The following PLEKHD1 variants were observed in gnomAD, a reference collection of about 807,000 sequenced individuals.
PLEKHD1 encodes pleckstrin homology and coiled-coil domain containing D1, also known as pleckstrin homology domain-containing family D member 1.
PLEKHD1 carries 51 observed loss-of-function variants against 69.2 expected under a neutral mutation model. The observed-to-expected ratio is 0.74, with a 90% confidence interval of 0.59 to 0.93. The LOEUF (loss-of-function observed/expected upper bound fraction) is 0.93. PLEKHD1 is among the 40% of genes least tolerant of loss of function. The pLI, the probability that PLEKHD1 is intolerant of heterozygous loss-of-function variation, is 0.00. For synonymous variants in PLEKHD1, 236 were observed against 244.7 expected, an observed-to-expected ratio of 0.96 and a Z score of 0.33; for missense variants, 584 against 641.0, an observed-to-expected ratio of 0.91 and a Z score of 0.96.
chr14:69,512,288 A>G (rs1883287715), intron 6 of PLEKHD1, among the ~76,000 whole-genome samples: 1 of 151,948 alleles, frequency 6.6e-6, no homozygotes. Flanking sequence ...CTTTCTTTTT[A>G]TTTAGCCTAG....
At chr14:69,508,030 C>T (rs912379251) in intron 6 of PLEKHD1, among the ~76,000 whole-genome samples, 1 of 152,180 alleles carries the variant, frequency 6.6e-6, no homozygotes, top group African/African-American at 2.4e-5. Context: ...AGCGGTAGCT[C>T]GTTGTTATTT....
chr14:69,527,067 G>A (rs994617412), intron 10 of PLEKHD1, 121 bp from the exon 11 acceptor site: 10 of 1,281,620 alleles, frequency 7.8e-6, no homozygotes, highest in South Asian at 1.6e-5. Context: ...ACTCAGAAGC[G>A]GGATGTGATA....
intron 1 of PLEKHD1, among the ~76,000 whole-genome samples, chr14:69,497,628 G>T (rs1440163988): frequency 6.6e-6 from 1 of 152,258 alleles, no homozygotes; most frequent in African/African-American, 2.4e-5. Flanking sequence ...AGTGTAGCAG[G>T]CAGGGGACAG....
intron 11 of PLEKHD1, 55 bp from the exon 12 acceptor site, chr14:69,527,728 G>A (rs1883688179): frequency 6.5e-7 from 1 of 1,538,226 alleles, no homozygotes. Flanking sequence ...GGGAGGGACT[G>A]GCTGGGGGTA....
chr14:69,474,484 T>G, the PLEKHD1 span, among the ~76,000 whole-genome samples: 4 of 152,226 alleles, frequency 2.6e-5, no homozygotes, highest in East Asian at 7.7e-4. Context: ...CTTTGTGAAT[T>G]CACCTGTGAC....
chr14:69,524,147 C>A, intron 7 of PLEKHD1, 82 bp from the exon 8 acceptor site: 1 of 1,176,356 alleles, frequency 8.5e-7, no homozygotes, highest in Non-Finnish European at 1.2e-6. Flanking sequence ...GGAAGTGAAG[C>A]AAAAGCATTT....
At position 69,528,390 on chromosome 14, in the gene PLEKHD1, C is replaced by A; in HGVS notation, c.1492C>A (p.Pro498Thr). ...CATCATGGCCACCCAGCCTGGAGCC[C>A]CCTCGGCACTCTCCCGGGGTGGAAA... ...YHIMATQPGAPSALSRGGK is the reference protein window; with the variant it reads ...YHIMATQPGATSALSRGGK Residue 498 changes from proline (P) to threonine (T), a missense_variant, in exon 13 of 13, where the codon CCC becomes ACC. By Grantham distance (38) the Pro-to-Thr change is conservative. Transcript: ENST00000322564. The A allele has an allele frequency of 6.4e-7, 1 of 1,551,378 alleles. No individual in the cohort carries two copies. The highest frequency in any genetic ancestry group is 8.7e-7 in the Non-Finnish European group (1 of 1,146,984).
intron 1 of PLEKHD1, among the ~76,000 whole-genome samples, chr14:69,487,182 A>AACACACAC (rs199671230): frequency 0.042 from 5,907 of 140,370 alleles, 141 homozygotes; most frequent in Non-Finnish European, 0.05. Context: ...GGGAATACAC[A>AACACACAC]ACACACACAC....
intron 9 of PLEKHD1, among the ~76,000 whole-genome samples, chr14:69,526,482 C>T (rs1428185658): frequency 1.3e-5 from 2 of 152,082 alleles, no homozygotes; most frequent in South Asian, 4.1e-4. Flanking sequence ...CCTCTGGACC[C>T]AGGACTCCAG....
intron 1 of PLEKHD1, among the ~76,000 whole-genome samples, chr14:69,496,493 G>A (rs563761479): frequency 2.0e-4 from 30 of 152,098 alleles, no homozygotes; most frequent in African/African-American, 5.1e-4. Context: ...GTCCCCACAC[G>A]GTGGAGGAAG....
intron 8 of PLEKHD1, among the ~76,000 whole-genome samples, chr14:69,524,685 G>T (rs1883601148): frequency 6.6e-6 from 1 of 152,172 alleles, no homozygotes; most frequent in Admixed American, 6.5e-5. Context: ...TCGCTTAGCT[G>T]CTCCTGAGTG....
chr14:69,488,099 T>C (rs1199030339), intron 1 of PLEKHD1, among the ~76,000 whole-genome samples: 1 of 152,166 alleles, frequency 6.6e-6, no homozygotes, highest in East Asian at 1.9e-4. Context: ...CAGTTTACTC[T>C]TGCAGAGCAT....
At chr14:69,515,070 T>C (rs1458793787) in intron 6 of PLEKHD1, among the ~76,000 whole-genome samples, 3 of 152,060 alleles carry the variant, frequency 2.0e-5, no homozygotes, top group Non-Finnish European at 4.4e-5. Flanking sequence ...TGGTGGTGCA[T>C]GCCTGTAGTC....
Position 69,484,950 on chromosome 14 carries a change from GCCCCGC to G in PLEKHD1, c.-15_-10del. The G allele has an allele frequency of 6.5e-7, 1 of 1,549,606 alleles. No individual in the cohort carries two copies. The highest frequency in any genetic ancestry group is 8.7e-7 in the Non-Finnish European group (1 of 1,145,998). On this transcript the variant is annotated 5_prime_UTR_variant, in exon 1 of 13. Coordinates refer to ENST00000322564, the MANE Select transcript of PLEKHD1 (RefSeq NM_001161498.2). Reference sequence around the variant, plus strand: ...GGAGGTGGGGTCCGGGCCGGGCACAGCCCCGCTGAGGCAGGATGTTCACGTCCAAGT... The same window carrying G: ...GGAGGTGGGGTCCGGGCCGGGCACAGTGAGGCAGGATGTTCACGTCCAAGT...
At chr14:69,500,547 T>G in intron 2 of PLEKHD1, 30 bp from the exon 3 acceptor site, 3 of 1,527,136 alleles carry the variant, frequency 2.0e-6, no homozygotes, top group Non-Finnish European at 2.6e-6. Flanking sequence ...TTGGGTGGGG[T>G]GGGGGCTGCC....
intron 6 of PLEKHD1, among the ~76,000 whole-genome samples, chr14:69,504,801 A>T (rs1883114583): frequency 6.6e-6 from 1 of 152,220 alleles, no homozygotes; most frequent in Admixed American, 6.5e-5. Context: ...CCATCACCAG[A>T]GTTGGTCCTC....
intron 1 of PLEKHD1, among the ~76,000 whole-genome samples, chr14:69,485,648 C>T (rs894319680): frequency 6.6e-6 from 1 of 152,202 alleles, no homozygotes; most frequent in Non-Finnish European, 1.5e-5. Context: ...GGTGCTTGTC[C>T]ATGGGGAAGT....
intron 4 of PLEKHD1, chr14:69,501,250 T>C (rs1257279423): frequency 2.1e-6 from 1 of 474,480 alleles, no homozygotes; most frequent in Non-Finnish European, 3.8e-6. Flanking sequence ...CATAATTAAT[T>C]CTAGCAAGGA....
At chr14:69,503,141 G>A in intron 6 of PLEKHD1, 3 of 492,052 alleles carry the variant, frequency 6.1e-6, no homozygotes, top group Non-Finnish European at 1.1e-5. Context: ...GCCATCCAAA[G>A]TGTCATCAGC....
Sources: gnomAD v4.1 joint callset for allele counts (sites outside exome capture counted in the v4.1 genomes callset) on GRCh38, gnomAD v4.1.1 for gene constraint, MANE v1.5 for transcripts, NCBI Gene and HGNC (gene_info 2026-07-23, HGNC 2026-07-21) for gene names.